Variants in CDHR2 observed in about 807,000 individuals in gnomAD.
CDHR2 encodes the protein cadherin-related family member 2.
In CDHR2, 104 loss-of-function variants were observed where a neutral mutation model predicts 138.6. The observed-to-expected ratio is 0.75, with a 90% CI of 0.64 to 0.88. The LOEUF (loss-of-function observed/expected upper bound fraction) is 0.88. Among genes scored for constraint, CDHR2 ranks in the 40% least tolerant of loss-of-function variants. The probability of loss-of-function intolerance (pLI) is 0.00; values close to 1 mark genes in which losing one functional copy is unlikely to be tolerated. For synonymous variants in CDHR2, 755 were observed against 742.8 expected, an observed-to-expected ratio of 1.02 and a Z score of -0.27; for missense variants, 1,624 against 1,727.6, an observed-to-expected ratio of 0.94 and a Z score of 1.06.
rs147274233 is a variant in CDHR2 at position 176,576,179 on chromosome 5, G to T, written c.1188G>T (p.Pro396=). 2.6e-5 allele frequency: 42 copies of T among 1,610,360 alleles called. No individual in the cohort carries two copies. Among genetic ancestry groups the T allele is most frequent in the Non-Finnish European group, 3.5e-5 (41 of 1,179,202 alleles). Residue 396 remains proline (P), a synonymous_variant, in exon 12 of 32, where the codon CCG becomes CCT. Transcript: ENST00000261944. The surrounding 1 kb of genome is among the most constrained non-coding windows in gnomAD (Gnocchi z 4.5). ...IDDLTMVVYD[P]DKGSNGTFLL... Reference sequence around the variant, plus strand: ...ACCTCACCATGGTGGTCTACGACCCGGACAAGGCAGGCGTGGTGGCGTGGG... The same window carrying T: ...ACCTCACCATGGTGGTCTACGACCCTGACAAGGCAGGCGTGGTGGCGTGGG...
At chr5:176,548,901 G>A (rs1186641549), upstream of CDHR2, among the ~76,000 whole-genome samples, 3 of 152,228 alleles carry the variant, frequency 2.0e-5, no homozygotes, top group East Asian at 3.9e-4. Context: ...AGTCCTCCAC[G>A]AGAACCTCAC....
intron 20 of CDHR2, 50 bp downstream of exon 20, chr5:176,586,075 C>A: frequency 6.7e-7 from 1 of 1,484,004 alleles, no homozygotes; most frequent in Non-Finnish European, 9.4e-7. Context: ...ATAAGGCCGC[C>A]TTTGAGCAAC....
intron 1 of CDHR2, among the ~76,000 whole-genome samples, chr5:176,552,909 C>G (rs921506600): frequency 2.0e-5 from 3 of 152,232 alleles, no homozygotes; most frequent in Non-Finnish European, 4.4e-5. Flanking sequence ...GAATCCAGCT[C>G]TTCCTTCCAG....
intron 1 of CDHR2, among the ~76,000 whole-genome samples, chr5:176,557,485 C>A (rs1005645705): frequency 6.6e-6 from 1 of 150,722 alleles, no homozygotes; most frequent in African/African-American, 2.4e-5. Context: ...GGATTATAGG[C>A]GTGAGCCACT....
chr5:176,571,092 AAG>A (rs1262516398), intron 5 of CDHR2, 119 bp from the exon 6 acceptor site: 5 of 593,582 alleles, frequency 8.4e-6, no homozygotes, highest in Non-Finnish European at 1.2e-5. Context: ...TATGGAGAGA[AAG>A]AGAGACCAAA....
intron 31 of CDHR2, among the ~76,000 whole-genome samples, chr5:176,594,961 C>A (rs1279679594): frequency 6.6e-6 from 1 of 152,156 alleles, no homozygotes; most frequent in Non-Finnish European, 1.5e-5. Flanking sequence ...TGGGCAGCGT[C>A]CCTCTGAGGG....
At chr5:176,563,718 C>A (rs1758021388) in intron 1 of CDHR2, among the ~76,000 whole-genome samples, 1 of 152,192 alleles carries the variant, frequency 6.6e-6, no homozygotes, top group Non-Finnish European at 1.5e-5. Context: ...ACCTCCCATC[C>A]CGCCATGGCT....
chr5:176,585,119 C>A, intron 19 of CDHR2, 104 bp downstream of exon 19: 1 of 1,308,906 alleles, frequency 7.6e-7, no homozygotes, highest in Non-Finnish European at 1.0e-6. Context: ...ATCTTGGCTC[C>A]AGCCCTTTCC....
chr5:176,593,306 C>T (rs560132972), intron 31 of CDHR2, among the ~76,000 whole-genome samples: 34 of 152,308 alleles, frequency 2.2e-4, no homozygotes, highest in Non-Finnish European at 2.4e-4. Flanking sequence ...ACCTGAGGAG[C>T]TCTTGAAAAA....
intron 26 of CDHR2, 36 bp downstream of exon 26, chr5:176,590,366 G>A: frequency 1.2e-6 from 2 of 1,614,204 alleles, no homozygotes; most frequent in Non-Finnish European, 1.7e-6. Flanking sequence ...GTGTGAGGGT[G>A]AGCAGGAAGC....
At chr5:176,559,679 A>G (rs1359328040) in intron 1 of CDHR2, among the ~76,000 whole-genome samples, 1 of 149,228 alleles carries the variant, frequency 6.7e-6, no homozygotes, top group Admixed American at 6.9e-5. Flanking sequence ...TCAACTTTAT[A>G]TTCTGATTCC....
At chr5:176,574,017 G>A (rs946263892) in intron 6 of CDHR2, 66 bp from the exon 7 acceptor site, 2 of 1,204,786 alleles carry the variant, frequency 1.7e-6, no homozygotes, top group African/African-American at 1.5e-5. Context: ...GCTCAGGGGG[G>A]CAGTGACGGA....
chr5:176,557,701 T>G lies in CDHR2; in HGVS notation c.-15-7637T>G, dbSNP rs1156995290. Among the ~76,000 whole-genome samples the G allele has an allele frequency of 6.8e-5, 10 of 147,730 alleles. No homozygotes were observed. The South Asian group carries it at 2.1e-3, about 31-fold the overall frequency. ...GTTGATTTTTTTTTCTTTCTTTCTT[T>G]CTTTCTTTCTTTTTTTTTTATTTTG... On this transcript the variant is annotated intron_variant, in intron 1 of 31. Transcript: ENST00000261944.
intron 15 of CDHR2, 133 bp downstream of exon 15, chr5:176,578,228 G>A: frequency 7.4e-6 from 9 of 1,222,276 alleles, no homozygotes; most frequent in Non-Finnish European, 1.0e-5. Flanking sequence ...GATAAACAAG[G>A]AATGACTTTT....
At chr5:176,551,089 ACCTGTGCCT>A (rs1173845093) in intron 1 of CDHR2, among the ~76,000 whole-genome samples, 2 of 152,100 alleles carry the variant, frequency 1.3e-5, no homozygotes, top group African/African-American at 4.8e-5. Flanking sequence ...GCTCACTGCA[ACCTGTGCCT>A]CCCTGGTTCA....
At chr5:176,585,725 G>A (rs899304813) in intron 19 of CDHR2, among the ~76,000 whole-genome samples, 12 of 152,182 alleles carry the variant, frequency 7.9e-5, no homozygotes, top group Admixed American at 7.9e-4. Context: ...TGGGTCAGGA[G>A]CAGGGAAGGG....
At chr5:176,585,771 C>A (rs1170389409) in intron 19 of CDHR2, among the ~76,000 whole-genome samples, 183 bp from the exon 20 acceptor site, 1 of 146,426 alleles carries the variant, frequency 6.8e-6, no homozygotes, top group African/African-American at 2.6e-5. Flanking sequence ...AGAGAAGCTG[C>A]GGGGCATGGG....
At position 176,553,707 on chromosome 5, in the gene CDHR2, G is replaced by A. The variant is rs368118208; in HGVS notation, c.-16+4293G>A. Among the ~76,000 whole-genome samples, 40 of 151,972 alleles carry A rather than the reference G, an allele frequency of 2.6e-4. No homozygotes were observed. Among genetic ancestry groups the A allele is most frequent in the African/African-American group, 8.9e-4 (37 of 41,426 alleles). ...TACCGCTAATGCCCAGCTCACCTGC[G>A]TCTCCACCGCCAGCCCCGCCACCAC... On this transcript the variant is annotated intron_variant, in intron 1 of 31. Coordinates refer to ENST00000261944, the MANE Select transcript of CDHR2 (RefSeq NM_017675.6). This position sits in a 1 kb window ranked among gnomAD's most constrained non-coding sequence, Gnocchi z 4.3.
rs894373249 is a variant in CDHR2, at chr5:176,553,109, C to T, written c.-16+3695C>T. On this transcript the variant is annotated intron_variant, in intron 1 of 31. Coordinates refer to ENST00000261944, the MANE Select transcript of CDHR2 (RefSeq NM_017675.6). This position sits in a 1 kb window ranked among gnomAD's most constrained non-coding sequence, Gnocchi z 4.3. Reference sequence around the variant, plus strand: ...AAGCGTGGCGTGTATGGGGAAGGGGCTGTAGGGGGAGGCGCCTCGGGGACT... The same window carrying T: ...AAGCGTGGCGTGTATGGGGAAGGGGTTGTAGGGGGAGGCGCCTCGGGGACT... 6.6e-6 allele frequency among the ~76,000 whole-genome samples: 1 copy of T among 151,966 alleles called. No homozygotes were observed. The highest frequency in any genetic ancestry group is 2.4e-5 in the African/African-American group (1 of 41,360).
Sources: allele counts gnomAD v4.1 joint callset (sites outside exome capture counted in the v4.1 genomes callset), GRCh38; gene constraint gnomAD v4.1.1; non-coding constraint Gnocchi (gnomAD v3.1); transcripts MANE v1.5; gene names NCBI Gene and HGNC (gene_info 2026-07-23, HGNC 2026-07-21).